PLPPR4: variants seen among roughly 807,000 people sequenced by gnomAD.
PLPPR4 encodes phospholipid phosphatase-related protein type 4.
In PLPPR4, 24 loss-of-function variants were observed where a neutral mutation model predicts 56.6. The observed-to-expected ratio is 0.42, with a 90% CI of 0.31 to 0.60. PLPPR4 has a LOEUF of 0.60. PLPPR4 is among the 20% of genes least tolerant of loss of function. The pLI, the probability that PLPPR4 is intolerant of heterozygous loss-of-function variation, is 0.13. For synonymous variants in PLPPR4, 326 were observed against 328.1 expected, an observed-to-expected ratio of 0.99 and a Z score of 0.07; for missense variants, 654 against 885.8, an observed-to-expected ratio of 0.74 and a Z score of 3.32.
chr1:99,281,310 A>G (rs950245726), intron 1 of PLPPR4, among the ~76,000 whole-genome samples: 2 of 152,150 alleles, frequency 1.3e-5, no homozygotes, highest in South Asian at 2.1e-4. Flanking sequence ...CCCTGTTTCA[A>G]TTTGTATCTA....
chr1:99,296,901 T>A, intron 3 of PLPPR4, 34 bp downstream of exon 3: 1 of 1,020,984 alleles, frequency 9.8e-7, no homozygotes, highest in South Asian at 2.2e-5. Context: ...AAAGAAATGC[T>A]TTTTTTTTTA....
intron 1 of PLPPR4, among the ~76,000 whole-genome samples, chr1:99,269,925 T>C (rs1659006382): frequency 1.3e-5 from 2 of 152,076 alleles, no homozygotes; most frequent in African/African-American, 4.8e-5. Flanking sequence ...AAAATTACAG[T>C]ATCTGAAGCA....
Position 99,291,106 on chromosome 1 carries a change from AC to A in PLPPR4, c.264+2957del, listed in dbSNP as rs1366670836. On this transcript the variant is annotated intron_variant, in intron 2 of 6. Transcript: ENST00000370185. ...TTAAACAAATTTACCAAAAAAAAAA[AC>A]AATTAAAAAGTGGGCAAAGGACATG... is the stretch of plus-strand genomic sequence containing the variant. Among the ~76,000 whole-genome samples, 3 of 151,678 alleles carry A rather than the reference AC, an allele frequency of 2.0e-5. No individual in the cohort carries two copies. In the East Asian group the frequency reaches 5.8e-4, roughly 29 times the overall value.
intron 1 of PLPPR4, among the ~76,000 whole-genome samples, chr1:99,280,079 A>T (rs1426562930): frequency 6.6e-6 from 1 of 152,120 alleles, no homozygotes; most frequent in African/African-American, 2.4e-5. Context: ...CGTTTTTCAA[A>T]CTGCACCTTT....
intron 1 of PLPPR4, among the ~76,000 whole-genome samples, chr1:99,283,435 A>G (rs900139832): frequency 6.6e-6 from 1 of 152,222 alleles, no homozygotes; most frequent in African/African-American, 2.4e-5. Context: ...TATATAATCT[A>G]GATTTGTCTT....
At chr1:99,296,603 T>C in intron 2 of PLPPR4, 135 bp from the exon 3 acceptor site, 1 of 696,992 alleles carries the variant, frequency 1.4e-6, no homozygotes, top group South Asian at 3.8e-5. Flanking sequence ...GCTGTGCCTC[T>C]ACAGCTTTTA....
chr1:99,288,514 G>A (rs35435234), intron 2 of PLPPR4, among the ~76,000 whole-genome samples: 3,655 of 151,980 alleles, frequency 0.024, 65 homozygotes, highest in South Asian at 0.072. Context: ...AAAAATGGGG[G>A]AGAAATTACA....
intron 1 of PLPPR4, among the ~76,000 whole-genome samples, chr1:99,267,332 A>T (rs918420296): frequency 2.0e-5 from 3 of 152,350 alleles, no homozygotes; most frequent in African/African-American, 7.2e-5. Context: ...ATCAAGATGG[A>T]CTGAGTTGTG....
chr1:99,302,349 C>G (rs1659900591), intron 6 of PLPPR4, among the ~76,000 whole-genome samples: 1 of 151,960 alleles, frequency 6.6e-6, no homozygotes, highest in South Asian at 2.1e-4. Flanking sequence ...AGCCTGGTCC[C>G]CCTCTAAGGG....
intron 1 of PLPPR4, among the ~76,000 whole-genome samples, chr1:99,273,676 A>G (rs1272674921): frequency 7.9e-5 from 12 of 152,098 alleles, no homozygotes; most frequent in Non-Finnish European, 1.3e-4. Flanking sequence ...ATAAATATCA[A>G]TTGCTTATGA....
At chr1:99,280,702 A>G (rs1185094346) in intron 1 of PLPPR4, among the ~76,000 whole-genome samples, 1 of 152,204 alleles carries the variant, frequency 6.6e-6, no homozygotes, top group Non-Finnish European at 1.5e-5. Flanking sequence ...AAATTACATG[A>G]TCTCAACCTG....
In PLPPR4 at chr1:99,306,118, C is replaced by T; in HGVS notation, c.1256C>T (p.Pro419Leu). The change falls in exon 7 of 7, where the codon CCT becomes CTT. Residue 419 changes from proline (P) to leucine (L), a missense_variant. Around this residue, in one of 2 missense-constraint regions of PLPPR4, gnomAD observed 468 missense variants for 554.3 expected, o/e 0.84. Coordinates refer to ENST00000370185, the MANE Select transcript of PLPPR4 (RefSeq NM_014839.5). This position sits in a 1 kb window ranked among gnomAD's most constrained non-coding sequence, Gnocchi z 4.0. ...SRKLSLQVIEPEPGQSPPRSI... is the reference protein window; with the variant it reads ...SRKLSLQVIELEPGQSPPRSI... ...AAGTTGTCCTTGCAAGTTATAGAGC[C>T]TGAGCCTGGGCAGTCACCACCCAGA... 1 of 1,614,106 alleles carries T rather than the reference C, an allele frequency of 6.2e-7. No homozygotes were observed. Among genetic ancestry groups the T allele is most frequent in the Non-Finnish European group, 8.5e-7 (1 of 1,179,998 alleles).
chr1:99,297,400 A>C (rs896471804), intron 3 of PLPPR4, among the ~76,000 whole-genome samples: 3 of 152,134 alleles, frequency 2.0e-5, no homozygotes, highest in Non-Finnish European at 4.4e-5. Context: ...GAAAATCTAT[A>C]GACCTGGCTA....
At chr1:99,270,011 G>GTGTGTGTGTGTGTGTT (rs1553190735) in intron 1 of PLPPR4, among the ~76,000 whole-genome samples, 1 of 149,594 alleles carries the variant, frequency 6.7e-6, no homozygotes, top group Non-Finnish European at 1.5e-5. Context: ...GTGTGTGTGT[G>GTGTGTGTGTGTGTGTT]TGTGTGTGTG....
chr1:99,275,080 TC>T (rs1659151654), intron 1 of PLPPR4, among the ~76,000 whole-genome samples: 1 of 152,160 alleles, frequency 6.6e-6, no homozygotes, highest in Non-Finnish European at 1.5e-5. Flanking sequence ...TGGGTGATGA[TC>T]TGAAAATGCC....
chr1:99,282,301 A>G (rs1157203214), intron 1 of PLPPR4, among the ~76,000 whole-genome samples: 2 of 152,164 alleles, frequency 1.3e-5, no homozygotes, highest in East Asian at 3.9e-4. Flanking sequence ...GTCCAAAACC[A>G]TATCAACAAT....
intron 1 of PLPPR4, among the ~76,000 whole-genome samples, chr1:99,268,541 G>A (rs910626535): frequency 6.6e-6 from 1 of 152,160 alleles, no homozygotes; most frequent in Non-Finnish European, 1.5e-5. Context: ...ATAGAATTTA[G>A]GGATAGAATT....
rs1288138674 is a variant in PLPPR4 at position 99,306,564 on chromosome 1, G to C, written c.1702G>C (p.Glu568Gln). The C allele has an allele frequency of 6.2e-7, 1 of 1,614,134 alleles. No individual in the cohort carries two copies. ...SIRYKTLTDH[E>Q]PSGIVRVEAH... ...CCGCTATAAAACCTTGACAGACCAT[G>C]AGCCCAGTGGGATAGTGAGGGTTGA... is the stretch of plus-strand genomic sequence containing the variant. Residue 568 changes from glutamate to glutamine, a missense_variant, in exon 7 of 7, where the codon GAG (glutamate) becomes CAG (glutamine). Glu to Gln is a conservative substitution (Grantham distance 29, BLOSUM62 2). Transcript: ENST00000370185. The surrounding 1 kb of genome is among the most constrained non-coding windows in gnomAD (Gnocchi z 4.0).
intron 4 of PLPPR4, among the ~76,000 whole-genome samples, chr1:99,300,069 T>G (rs903228424): frequency 6.6e-6 from 1 of 152,010 alleles, no homozygotes; most frequent in African/African-American, 2.4e-5. Flanking sequence ...AAGGTTCTCA[T>G]GTATCATTCA....
Sources: gnomAD v4.1 joint callset for allele counts (sites outside exome capture counted in the v4.1 genomes callset) on GRCh38, gnomAD v4.1.1 for gene constraint, gnomAD v4.1.1 regional missense constraint, Gnocchi (gnomAD v3.1) non-coding constraint, MANE v1.5 for transcripts, NCBI Gene and HGNC (gene_info 2026-07-23, HGNC 2026-07-21) for gene names.